Variants in TADA2A observed in about 807,000 individuals in gnomAD.
TADA2A encodes the protein transcriptional adaptor 2A.
Under a neutral mutation model 67.4 loss-of-function variants are expected in TADA2A, and 38 were observed. That is an observed-to-expected ratio of 0.56 (90% confidence interval 0.44 to 0.74). The LOEUF (loss-of-function observed/expected upper bound fraction) is 0.74, where lower values mean the gene tolerates loss of function less well. Ranked by LOEUF, TADA2A falls within the 30% of genes least tolerant of loss-of-function variation. TADA2A has a pLI of 0.00. For missense variants in TADA2A, 454 were observed against 547.0 expected (o/e 0.83, Z 1.70); for synonymous variants, 192 against 181.6 (o/e 1.06, Z -0.46).
At chr17:37,437,694 T>C (rs201686894) in intron 4 of TADA2A, 44 bp from the exon 5 acceptor site, 1 of 1,580,920 alleles carries the variant, frequency 6.3e-7, no homozygotes, top group East Asian at 2.2e-5. Context: ...GCCCCTAGAT[T>C]CCATTTGTAT....
At chr17:37,436,074 A>G (rs1415720115) in intron 4 of TADA2A, among the ~76,000 whole-genome samples, 1 of 151,538 alleles carries the variant, frequency 6.6e-6, no homozygotes. Context: ...TTTTTTTCCC[A>G]AGCCAAAAAT....
chr17:37,476,097 G>A (rs2053887403), intron 15 of TADA2A, among the ~76,000 whole-genome samples: 1 of 152,152 alleles, frequency 6.6e-6, no homozygotes, highest in African/African-American at 2.4e-5. Flanking sequence ...GTTTGGGAGT[G>A]GAAGGAAATG....
chr17:37,449,862 A>G (rs747484113), intron 8 of TADA2A, among the ~76,000 whole-genome samples: 2 of 152,084 alleles, frequency 1.3e-5, no homozygotes, highest in Non-Finnish European at 2.9e-5. Flanking sequence ...TTGCTGTTTC[A>G]TTTTTGTGAG....
At chr17:37,433,283 G>A (rs1183299752) in intron 4 of TADA2A, among the ~76,000 whole-genome samples, 1 of 152,020 alleles carries the variant, frequency 6.6e-6, no homozygotes, top group African/African-American at 2.4e-5. Flanking sequence ...TGCAAATGTA[G>A]TATAGAGAGT....
chr17:37,438,370 T>G (rs1157972235), intron 5 of TADA2A, among the ~76,000 whole-genome samples: 1 of 152,174 alleles, frequency 6.6e-6, no homozygotes, highest in Non-Finnish European at 1.5e-5. Context: ...CCACTTTCGT[T>G]TTTATCTTTT....
chr17:37,465,730 GA>G, intron 11 of TADA2A, 189 bp downstream of exon 11: 1 of 922,034 alleles, frequency 1.1e-6, no homozygotes, highest in Non-Finnish European at 1.6e-6. Flanking sequence ...AAGCCCTAAT[GA>G]CTTCCCCCAT....
rs556262350 is a variant in TADA2A at position 37,419,930 on chromosome 17, G to A, written c.26-3579G>A. Among the ~76,000 whole-genome samples the A allele has an allele frequency of 8.9e-5, 13 of 145,824 alleles. 1 individual carries two copies. Among genetic ancestry groups the A allele is most frequent in the African/African-American group, 2.5e-4 (10 of 40,276 alleles). On this transcript the variant is annotated intron_variant, in intron 2 of 15. Coordinates refer to ENST00000615182, the MANE Select transcript of TADA2A (RefSeq NM_001166105.3). ...CTCGGGAGGCTGAGGGAGAAGAATCGCCTGAATCCAGGAGGTGGAGCTTGC... is the reference window on the plus strand; with the variant it reads ...CTCGGGAGGCTGAGGGAGAAGAATCACCTGAATCCAGGAGGTGGAGCTTGC...
rs765823880 is a variant in TADA2A, at chr17:37,411,371, C to T, written c.6C>T (p.Asp2=). M[D]RLGSFSNDPS... ...CACTCGTTGCCAATTAGGGAATGGA[C>T]CGTTTGGGTTCCTTTAGCAGTAAGT... Residue 2 remains aspartate (D), a synonymous_variant, in exon 2 of 16, where the codon GAC becomes GAT. Transcript: ENST00000615182. 6.8e-6 allele frequency: 11 copies of T among 1,613,714 alleles called. No individual in the cohort carries two copies. The African/African-American group carries it at 1.3e-4, about 20-fold the overall frequency.
intron 6 of TADA2A, 86 bp from the exon 7 acceptor site, chr17:37,442,478 A>C: frequency 9.9e-7 from 1 of 1,010,510 alleles, no homozygotes; most frequent in Non-Finnish European, 1.4e-6. Flanking sequence ...AACCATTTTA[A>C]ATTTTATTTA....
At chr17:37,462,429 C>G (rs1039016296) in intron 10 of TADA2A, among the ~76,000 whole-genome samples, 2 of 151,912 alleles carry the variant, frequency 1.3e-5, no homozygotes, top group African/African-American at 4.8e-5. Flanking sequence ...GAGATCAAGA[C>G]CATCCTGGCT....
chr17:37,460,254 A>G (rs1461024474), intron 9 of TADA2A, among the ~76,000 whole-genome samples: 1 of 149,780 alleles, frequency 6.7e-6, no homozygotes. Context: ...TTATTTTATT[A>G]TTATTACTTT....
chr17:37,453,618 T>C (rs946125249), intron 8 of TADA2A, among the ~76,000 whole-genome samples: 2 of 152,214 alleles, frequency 1.3e-5, no homozygotes, highest in African/African-American at 2.4e-5. Context: ...TGTTGACTTA[T>C]TGCCCTCATG....
Position 37,470,392 on chromosome 17 carries a change from A to AC in TADA2A, c.896-3dup. On this transcript the variant is annotated splice_polypyrimidine_tract_variant and splice_region_variant and intron_variant, in intron 12 of 15. Transcript: ENST00000615182. ...TCATTGTGGTCATTGTGTTTTCTATACCCCCAGGTGCCAGAACCTACGATC... is the reference window on the plus strand; with the variant it reads ...TCATTGTGGTCATTGTGTTTTCTATACCCCCCAGGTGCCAGAACCTACGATC... 1 of 1,613,420 alleles carries AC rather than the reference A, an allele frequency of 6.2e-7. No individual in the cohort carries two copies. Among genetic ancestry groups the AC allele is most frequent in the Non-Finnish European group, 8.5e-7 (1 of 1,179,772 alleles).
Position 37,411,377 on chromosome 17 carries a change from G to A in TADA2A, c.12G>A (p.Leu4=), listed in dbSNP as rs2051861110. 6.2e-7 allele frequency: 1 copy of A among 1,613,812 alleles called. No homozygotes were observed. MDR[L]GSFSNDPSDK... Reference sequence around the variant, plus strand: ...TTGCCAATTAGGGAATGGACCGTTTGGGTTCCTTTAGCAGTAAGTACAGTG... The same window carrying A: ...TTGCCAATTAGGGAATGGACCGTTTAGGTTCCTTTAGCAGTAAGTACAGTG... The change falls in exon 2 of 16, where the codon TTG becomes TTA. Residue 4 remains leucine, a synonymous_variant. Transcript: ENST00000615182.
chr17:37,435,497 C>T (rs147648833), intron 4 of TADA2A, among the ~76,000 whole-genome samples: 1,625 of 152,198 alleles, frequency 0.011, 31 homozygotes, highest in African/African-American at 0.035. Context: ...ACCGTGTTAG[C>T]CAAGATGGTC....
chr17:37,455,410 C>T (rs948979074), intron 8 of TADA2A, among the ~76,000 whole-genome samples: 1 of 151,168 alleles, frequency 6.6e-6, no homozygotes, highest in African/African-American at 2.4e-5. Flanking sequence ...GAGACGGAGT[C>T]TCACTCTGTC....
intron 5 of TADA2A, among the ~76,000 whole-genome samples, chr17:37,439,956 T>G (rs1326664572): frequency 2.7e-5 from 4 of 147,302 alleles, no homozygotes; most frequent in Admixed American, 6.8e-5. Flanking sequence ...TTTTTTTTTT[T>G]TTTTGAGATG....
intron 1 of TADA2A, chr17:37,408,439 C>G (rs910514168): frequency 3.3e-5 from 5 of 151,916 alleles, no homozygotes; most frequent in African/African-American, 1.2e-4. Flanking sequence ...TTAGTAGAGA[C>G]AGGGTTTCTA....
intron 7 of TADA2A, 93 bp downstream of exon 7, chr17:37,442,745 A>C: frequency 1.7e-6 from 2 of 1,193,952 alleles, no homozygotes; most frequent in Non-Finnish European, 2.4e-6. Context: ...ATACCACTAA[A>C]AGGAGATTTT....
Sources: allele counts gnomAD v4.1 joint callset (sites outside exome capture counted in the v4.1 genomes callset), GRCh38; gene constraint gnomAD v4.1.1; transcripts MANE v1.5; gene names NCBI Gene and HGNC (gene_info 2026-07-23, HGNC 2026-07-21).